LRRC20: variants seen among roughly 807,000 people sequenced by gnomAD.
LRRC20 encodes leucine rich repeat containing 20.
Under a neutral mutation model 14.4 loss-of-function variants are expected in LRRC20, and 11 were observed. That is an observed-to-expected ratio of 0.77 (90% CI 0.48 to 1.27). The LOEUF is 1.27. Among genes scored for constraint, LRRC20 ranks in the 50% most tolerant of loss-of-function variants. LRRC20 has a pLI of 0.00. For missense variants in LRRC20, 219 were observed against 251.2 expected, an observed-to-expected ratio of 0.87 and a Z score of 0.87; for synonymous variants, 121 against 107.3, an observed-to-expected ratio of 1.13 and a Z score of -0.79.
intron 1 of LRRC20, 38 bp from the exon 2 acceptor site, chr10:70,376,634 A>G (rs1255206577): frequency 3.6e-6 from 4 of 1,114,862 alleles, no homozygotes; most frequent in Non-Finnish European, 2.7e-6. Flanking sequence ...CCCGCCTGCC[A>G]GCCAGGGGCC....
intron 2 of LRRC20, among the ~76,000 whole-genome samples, chr10:70,354,195 A>C (rs958312921): frequency 6.6e-6 from 1 of 152,068 alleles, no homozygotes; most frequent in African/African-American, 2.4e-5. Context: ...TGATTTAATT[A>C]GTGGGGGCTG....
chr10:70,339,482 G>T (rs534686122), intron 3 of LRRC20, among the ~76,000 whole-genome samples: 2 of 152,138 alleles, frequency 1.3e-5, no homozygotes, highest in African/African-American at 4.8e-5. Context: ...AGGCTGGAAG[G>T]GGGGCATGGA....
chr10:70,339,259 A>T (rs1214542974), intron 3 of LRRC20, among the ~76,000 whole-genome samples: 1 of 152,256 alleles, frequency 6.6e-6, no homozygotes, highest in East Asian at 1.9e-4. Flanking sequence ...TCAAAGTCTC[A>T]AGGGCACTGC....
chr10:70,349,995 G>A (rs1450275066), intron 2 of LRRC20, among the ~76,000 whole-genome samples: 2 of 152,340 alleles, frequency 1.3e-5, no homozygotes, highest in East Asian at 3.9e-4. Context: ...GTGAGCCACA[G>A]CATGAGCAAA....
intron 4 of LRRC20, among the ~76,000 whole-genome samples, chr10:70,315,707 C>T (rs1841826447): frequency 3.3e-5 from 5 of 152,228 alleles, no homozygotes. Context: ...GCTGCTTCCT[C>T]TCCCTGTCCC....
At chr10:70,305,941 C>G (rs528425200) in intron 4 of LRRC20, among the ~76,000 whole-genome samples, 2 of 152,048 alleles carry the variant, frequency 1.3e-5, no homozygotes, top group Non-Finnish European at 2.9e-5. Flanking sequence ...GGGATTTCAC[C>G]GTGTTAGCCA....
chr10:70,379,985 C>G (rs374756412), intron 1 of LRRC20, among the ~76,000 whole-genome samples: 51 of 152,324 alleles, frequency 3.3e-4, no homozygotes, highest in African/African-American at 1.2e-3. Flanking sequence ...GGCCGCTGGT[C>G]TGACAGGACG....
chr10:70,319,877 T>G (rs1203548430), intron 4 of LRRC20, among the ~76,000 whole-genome samples: 1 of 152,206 alleles, frequency 6.6e-6, no homozygotes. Flanking sequence ...AACTGTGTCC[T>G]GGCAGGCCAG....
rs115908954 is a variant in LRRC20, at chr10:70,338,365, A to G, written c.232+2188T>C. 2.4e-3 allele frequency among the ~76,000 whole-genome samples: 359 copies of G among 152,276 alleles called. 1 individual carries two copies. The highest frequency in any genetic ancestry group is 8.3e-3 in the African/African-American group (343 of 41,564). ...GCTTGCCTAGCCTAAAGTCAGCCCT[A>G]TGAGATAGGCTTGCTCGGGTCCCTC... On this transcript the variant is annotated intron_variant, in intron 3 of 4. Transcript: ENST00000446961.
At chr10:70,317,295 C>T (rs193241350) in intron 4 of LRRC20, among the ~76,000 whole-genome samples, 1 of 150,254 alleles carries the variant, frequency 6.7e-6, no homozygotes, top group East Asian at 1.9e-4. Context: ...TAAGAGGGAG[C>T]CCTGGCTTCT....
chr10:70,304,193 G>A (rs1047332607), intron 4 of LRRC20, among the ~76,000 whole-genome samples: 5 of 151,994 alleles, frequency 3.3e-5, no homozygotes, highest in East Asian at 3.9e-4. Flanking sequence ...GCTCTTCCCC[G>A]ATCCAATTCC....
chr10:70,337,838 C>CG (rs1842770569), intron 3 of LRRC20, among the ~76,000 whole-genome samples: 1 of 152,140 alleles, frequency 6.6e-6, no homozygotes, highest in African/African-American at 2.4e-5. Flanking sequence ...TCTGGGCCTC[C>CG]GGACCTAGGT....
At chr10:70,349,804 A>G (rs1198545422) in intron 2 of LRRC20, among the ~76,000 whole-genome samples, 1 of 152,170 alleles carries the variant, frequency 6.6e-6, no homozygotes, top group Non-Finnish European at 1.5e-5. Context: ...CCAAAGATTC[A>G]AGTAGGGTGA....
intron 1 of LRRC20, among the ~76,000 whole-genome samples, chr10:70,379,324 G>A (rs35934374): frequency 0.33 from 49,704 of 151,972 alleles, 8,447 homozygotes; most frequent in South Asian, 0.54. Context: ...CTAAATCATA[G>A]CCATGTTGCT....
At chr10:70,328,843 G>T (rs553536128) in intron 3 of LRRC20, among the ~76,000 whole-genome samples, 1 of 152,128 alleles carries the variant, frequency 6.6e-6, no homozygotes, top group Non-Finnish European at 1.5e-5. Flanking sequence ...ACCTGAACCC[G>T]GGAGGCGGAG....
At chr10:70,366,726 C>A (rs1844014318) in intron 2 of LRRC20, among the ~76,000 whole-genome samples, 1 of 151,810 alleles carries the variant, frequency 6.6e-6, no homozygotes, top group Non-Finnish European at 1.5e-5. Flanking sequence ...GGGTTTTGTA[C>A]CCACAAATTC....
intron 4 of LRRC20, among the ~76,000 whole-genome samples, chr10:70,302,872 A>G (rs187268673): frequency 1.3e-5 from 2 of 152,092 alleles, no homozygotes; most frequent in Non-Finnish European, 2.9e-5. Flanking sequence ...CACCATGCCC[A>G]GCTAATTTTT....
At chr10:70,346,060 C>T (rs1843062180) in intron 2 of LRRC20, among the ~76,000 whole-genome samples, 1 of 152,086 alleles carries the variant, frequency 6.6e-6, no homozygotes, top group Admixed American at 6.6e-5. Flanking sequence ...TGAGACCAGC[C>T]TGGCCAACAT....
intron 2 of LRRC20, among the ~76,000 whole-genome samples, chr10:70,361,051 A>G (rs906138603): frequency 2.7e-5 from 4 of 149,814 alleles, no homozygotes; most frequent in African/African-American, 9.7e-5. Flanking sequence ...CCATCTCTAA[A>G]AAAAAAAAAA....
Sources: allele counts gnomAD v4.1 joint callset (sites outside exome capture counted in the v4.1 genomes callset), GRCh38; gene constraint gnomAD v4.1.1; transcripts MANE v1.5; gene names NCBI Gene and HGNC (gene_info 2026-07-23, HGNC 2026-07-21).